SEPTIN6: variants seen among roughly 807,000 people sequenced by gnomAD.
SEPTIN6 encodes septin 6.
SEPTIN6 carries 8 observed loss-of-function variants against 33.6 expected under a neutral mutation model. The ratio of observed to expected loss-of-function variants is 0.24; its 90% CI spans 0.14 to 0.43. The LOEUF is 0.43. Among genes scored for constraint, SEPTIN6 ranks in the 20% least tolerant of loss-of-function variants. The pLI is 1.00. For synonymous variants in SEPTIN6, 131 were observed against 140.0 expected (o/e 0.94, Z 0.45); for missense variants, 250 against 340.8 (o/e 0.73, Z 2.10).
intron 1 of SEPTIN6, among the ~76,000 whole-genome samples, chrX:119,682,008 G>T (rs1473559257): frequency 1.8e-5 from 2 of 110,790 alleles, no homozygotes; most frequent in Non-Finnish European, 3.8e-5. Flanking sequence ...CTGCACTCCA[G>T]CCTGGGCAAC....
In SEPTIN6 at chrX:119,625,390, G is replaced by GT; in HGVS notation, c.1281-12dup. 8.3e-7 allele frequency: 1 copy of GT among 1,201,500 alleles called. No individual in the cohort carries two copies. ...AAACAGCAGAGTTAACTGTAAAACAGTAAGAGCTGATGAAGATGGAGTGAG... is the reference window on the plus strand; with the variant it reads ...AAACAGCAGAGTTAACTGTAAAACAGTTAAGAGCTGATGAAGATGGAGTGAG... On this transcript the variant is annotated splice_polypyrimidine_tract_variant and intron_variant, in intron 9 of 10. Transcript: ENST00000394610.
At position 119,617,877 on chromosome X, in the gene SEPTIN6, T is replaced by C. The variant is rs2053690270; in HGVS notation, c.*2216A>G. ...TAGTTTCTGAAGGTCTCTCCAAGGC[T>C]GTGTGGGTCTAATACTTTTGAATTA... On this transcript the variant is annotated 3_prime_UTR_variant, in exon 11 of 11. Transcript: ENST00000394610. 1.2e-6 allele frequency: 1 copy of C among 802,365 alleles called. No homozygotes were observed. The highest frequency in any genetic ancestry group is 2.2e-5 in the African/African-American group (1 of 46,244). The allele number at this position is 802,365 out of a possible 1,213,427, so 66.1% of individuals were successfully genotyped here. A position where few individuals can be genotyped will look rare whatever the true frequency, so the allele number is the denominator to read the frequency against.
rs2054855207 is a variant in SEPTIN6 at position 119,677,119 on chromosome X, TG to T, written c.31-1452del. On this transcript the variant is annotated intron_variant, in intron 1 of 10. Coordinates refer to ENST00000394610, the MANE Select transcript of SEPTIN6 (RefSeq NM_145799.4). ...CACCCCCAGCCTGAAGGGTACTGCA[TG>T]GAACACTGTGGCTCCCTATGGCTAC... 4.7e-5 allele frequency among the ~76,000 whole-genome samples: 5 copies of T among 105,673 alleles called. No homozygotes were observed. The Admixed American group carries it at 4.9e-4, about 10-fold the overall frequency. The allele number at this position is 105,673 out of a possible 115,157, so 91.8% of individuals were successfully genotyped here. A position where few individuals can be genotyped will look rare whatever the true frequency, so the allele number is the denominator to read the frequency against.
chrX:119,661,430 C>CA (rs748459071), intron 3 of SEPTIN6, among the ~76,000 whole-genome samples: 30 of 106,135 alleles, frequency 2.8e-4, no homozygotes, highest in African/African-American at 9.5e-4. Flanking sequence ...GACTCCGTCT[C>CA]AAAAAAAATA....
intron 10 of SEPTIN6, chrX:119,623,995 T>A (rs1704719541): frequency 7.0e-6 from 2 of 286,296 alleles, no homozygotes; most frequent in South Asian, 6.8e-5. Context: ...CTTTATAAAC[T>A]TCTATTAACA....
intron 6 of SEPTIN6, among the ~76,000 whole-genome samples, chrX:119,638,953 G>C (rs938944265): frequency 8.9e-6 from 1 of 112,245 alleles, no homozygotes; most frequent in African/African-American, 3.2e-5. Flanking sequence ...TAAGTCATTG[G>C]AACCATGTCT....
At chrX:119,638,178 T>C (rs1192033933) in intron 6 of SEPTIN6, among the ~76,000 whole-genome samples, 1 of 111,280 alleles carries the variant, frequency 9.0e-6, no homozygotes, top group Non-Finnish European at 1.9e-5. Flanking sequence ...ACCTGGATGG[T>C]AGAAGCTTCC....
chrX:119,616,619 C>T (rs2053669509), downstream of SEPTIN6: 1 of 883,539 alleles, frequency 1.1e-6, no homozygotes, highest in Non-Finnish European at 1.6e-6. Flanking sequence ...TGTGTGCTTG[C>T]AGTTTGAGGG....
chrX:119,628,280 TA>T (rs1169947698), intron 9 of SEPTIN6, among the ~76,000 whole-genome samples: 3 of 95,154 alleles, frequency 3.2e-5, no homozygotes, highest in African/African-American at 1.4e-4. Context: ...CTAATTTCTG[TA>T]TTTTTTTTTT....
chrX:119,687,312 A>T (rs1173243897), intron 1 of SEPTIN6, among the ~76,000 whole-genome samples: 2 of 102,660 alleles, frequency 1.9e-5, no homozygotes, highest in South Asian at 9.2e-4. Context: ...GTGCAGTGGC[A>T]CAATCTCGGC....
At chrX:119,692,955 C>G (rs1268215289) in intron 1 of SEPTIN6, 121 bp downstream of exon 1, 2 of 729,316 alleles carry the variant, frequency 2.7e-6, no homozygotes, top group Non-Finnish European at 4.2e-6. Flanking sequence ...GAAGTCCCAC[C>G]GTGCCCTTGG....
chrX:119,678,330 C>G (rs2054878028), intron 1 of SEPTIN6, among the ~76,000 whole-genome samples: 1 of 109,387 alleles, frequency 9.1e-6, no homozygotes, highest in African/African-American at 3.3e-5. Flanking sequence ...ACCATCCTGG[C>G]TAACACGGTG....
intron 3 of SEPTIN6, among the ~76,000 whole-genome samples, chrX:119,655,848 T>C (rs942805629): frequency 6.2e-5 from 7 of 112,594 alleles, no homozygotes; most frequent in Non-Finnish European, 1.3e-4. Context: ...AACTGAAGTT[T>C]AGCAGTTTCT....
chrX:119,693,136 T>TGCCGCCGCAACGGGA lies in SEPTIN6; in HGVS notation c.-46_-32dup, dbSNP rs755452972. The TGCCGCCGCAACGGGA allele has an allele frequency of 1.2e-3, 1,417 of 1,164,324 alleles. No homozygotes were observed. Among genetic ancestry groups the TGCCGCCGCAACGGGA allele is most frequent in the Non-Finnish European group, 1.6e-3 (1,366 of 870,899 alleles). ...CTGCGTCCGCCAGGGCTGCCACGGG[T>TGCCGCCGCAACGGGA]GCCGCCGCAACGGGAGCTACTGCAC... On this transcript the variant is annotated 5_prime_UTR_variant, in exon 1 of 11. Transcript: ENST00000394610.
intron 10 of SEPTIN6, 120 bp from the exon 11 acceptor site, chrX:119,620,171 T>C: frequency 1.8e-6 from 1 of 567,147 alleles, no homozygotes. Flanking sequence ...ATAGCTATGT[T>C]AGATGGTCTT....
In SEPTIN6 at chrX:119,665,100, C is replaced by CTT. The variant is rs1393747587; in HGVS notation, c.146-1425_146-1424dup. Among the ~76,000 whole-genome samples, 293 of 103,200 alleles carry CTT rather than the reference C, an allele frequency of 2.8e-3. 1 individual carries two copies. The highest frequency in any genetic ancestry group is 0.011 in the African/African-American group (281 of 26,668). 89.6% of individuals were successfully genotyped at this position (103,200 alleles called of 115,157 possible). On this transcript the variant is annotated intron_variant, in intron 2 of 10. Coordinates refer to ENST00000394610, the MANE Select transcript of SEPTIN6 (RefSeq NM_145799.4). ...GGCCACAAAAATTCTTCTTCTTCTT[C>CTT]TTCTTTTTTTTTTTTTTTTTTGATA...
intron 5 of SEPTIN6, among the ~76,000 whole-genome samples, chrX:119,649,318 TC>T (rs1487545330): frequency 9.5e-6 from 1 of 105,431 alleles, no homozygotes; most frequent in Non-Finnish European, 1.9e-5. Flanking sequence ...GGTCTCAAAC[TC>T]CCGACCTCAG....
chrX:119,645,758 T>C (rs968455535), intron 5 of SEPTIN6, among the ~76,000 whole-genome samples: 7 of 111,048 alleles, frequency 6.3e-5, no homozygotes, highest in Non-Finnish European at 1.3e-4. Flanking sequence ...TCTCGATCTC[T>C]TGACCTTGTG....
Position 119,618,998 on chromosome X carries a change from C to T in SEPTIN6, c.*1095G>A, listed in dbSNP as rs2053706950. 2.1e-6 allele frequency: 2 copies of T among 975,480 alleles called. No individual in the cohort carries two copies. The highest frequency in any genetic ancestry group is 9.1e-5 in the South Asian group (2 of 21,981). 80.4% of individuals were successfully genotyped at this position (975,480 alleles called of 1,213,427 possible). A position where few individuals can be genotyped will look rare whatever the true frequency, so the allele number is the denominator to read the frequency against. On this transcript the variant is annotated 3_prime_UTR_variant, in exon 11 of 11. Transcript: ENST00000394610. ...GGCTGGAATATTTTTAAACTCTCAA[C>T]TCCTTAAATTGGAAAGAAAGTTAAG...
Sources: allele counts gnomAD v4.1 joint callset (sites outside exome capture counted in the v4.1 genomes callset), GRCh38; gene constraint gnomAD v4.1.1; transcripts MANE v1.5; gene names NCBI Gene and HGNC (gene_info 2026-07-23, HGNC 2026-07-21).